FBN2: variants seen among roughly 807,000 people sequenced by gnomAD.
FBN2 encodes fibrillin-2.
A neutral mutation model predicts 355.6 loss-of-function variants in FBN2; 105 were observed. The ratio of observed to expected loss-of-function variants is 0.30; its 90% CI spans 0.25 to 0.35. The LOEUF is 0.35. Ranked by LOEUF, FBN2 falls within the 10% of genes least tolerant of loss-of-function variation. The probability of loss-of-function intolerance (pLI) is 1.00; values close to 1 mark genes in which losing one functional copy is unlikely to be tolerated. For synonymous variants in FBN2, 1,350 were observed against 1,301.2 expected, an observed-to-expected ratio of 1.04 and a Z score of -0.81; for missense variants, 3,280 against 3,758.7, an observed-to-expected ratio of 0.87 and a Z score of 3.33.
At position 128,408,513 on chromosome 5, in the gene FBN2, T is replaced by C. The variant is rs1174328698; in HGVS notation, c.1078+161A>G. ...CTGAAACTGAAGTCTTTGCAAAGAG[T>C]ACCTGGTCTATCAATCCCTCAATAC... On this transcript the variant is annotated intron_variant, in intron 8 of 64. Coordinates refer to ENST00000262464, the MANE Select transcript of FBN2 (RefSeq NM_001999.4). Among the ~76,000 whole-genome samples, 4 of 152,106 alleles carry C rather than the reference T, an allele frequency of 2.6e-5. No homozygotes were observed. In the East Asian group the frequency reaches 7.7e-4, roughly 29 times the overall value.
intron 5 of FBN2, among the ~76,000 whole-genome samples, chr5:128,500,281 A>C (rs868177749): frequency 3.3e-4 from 50 of 151,986 alleles, no homozygotes; most frequent in African/African-American, 1.0e-3. Flanking sequence ...GAAACTAACA[A>C]CACTTTTACT....
intron 20 of FBN2, among the ~76,000 whole-genome samples, chr5:128,356,408 A>G (rs1045296456): frequency 3.9e-5 from 6 of 152,268 alleles, no homozygotes; most frequent in African/African-American, 1.4e-4. Flanking sequence ...TCTTCGACAA[A>G]TATGAAACTA....
chr5:128,453,998 C>A (rs577448973), intron 6 of FBN2, among the ~76,000 whole-genome samples: 26 of 151,548 alleles, frequency 1.7e-4, no homozygotes, highest in Admixed American at 4.0e-4. Context: ...TTGCCCCCCC[C>A]CCAAGTTTCT....
intron 5 of FBN2, among the ~76,000 whole-genome samples, chr5:128,481,757 A>G (rs1333773184): frequency 1.3e-5 from 2 of 152,030 alleles, no homozygotes; most frequent in Non-Finnish European, 2.9e-5. Flanking sequence ...ACAAAAAAAT[A>G]CTAGAAAATT....
At chr5:128,271,773 TAGTTA>T (rs1765272977) in intron 62 of FBN2, among the ~76,000 whole-genome samples, 1 of 152,210 alleles carries the variant, frequency 6.6e-6, no homozygotes, top group South Asian at 2.1e-4. Flanking sequence ...AAGTAACCTC[TAGTTA>T]AGTTAACTTC....
Position 128,536,425 on chromosome 5 carries a change from G to C in FBN2, c.314C>G (p.Pro105Arg). 1 of 1,614,070 alleles carries C rather than the reference G, an allele frequency of 6.2e-7. No individual in the cohort carries two copies. The highest frequency in any genetic ancestry group is 2.2e-5 in the East Asian group (1 of 44,876). ...SYCCPGWKTL[P>R]GGNQCIVPIC... ...ACGGACAATGCACTGGTTTCCTCCA[G>C]GGAGCGTCTTCCATCCAGGGCAGCA... The change falls in exon 2 of 65, where the codon CCT becomes CGT. Residue 105 changes from proline (P) to arginine (R), a missense_variant. This residue lies in a region of FBN2 where 203 missense variants were observed against 142.2 expected (regional missense o/e 1.43). Coordinates refer to ENST00000262464, the MANE Select transcript of FBN2 (RefSeq NM_001999.4).
At position 128,311,519 on chromosome 5, in the gene FBN2, C is replaced by A. The variant is rs1010434465; in HGVS notation, c.4949-94G>T. On this transcript the variant is annotated intron_variant, in intron 38 of 64. Transcript: ENST00000262464. ...TTCAAAAGTGTGATCTTGTAAGAATCAGATTTCTATGCATCCAAATGAACG... is the reference window on the plus strand; with the variant it reads ...TTCAAAAGTGTGATCTTGTAAGAATAAGATTTCTATGCATCCAAATGAACG... The A allele has an allele frequency of 2.5e-5, 35 of 1,379,180 alleles. 1 individual carries two copies. The South Asian group carries it at 3.7e-4, about 15-fold the overall frequency. 85.4% of individuals were successfully genotyped at this position (1,379,180 alleles called of 1,614,324 possible).
chr5:128,307,536 A>C (rs1221036116), intron 41 of FBN2, among the ~76,000 whole-genome samples: 1 of 152,116 alleles, frequency 6.6e-6, no homozygotes, highest in Non-Finnish European at 1.5e-5. Flanking sequence ...AACATCCAAT[A>C]CATAAAGATT....
chr5:128,339,981 T>C (rs998909027), intron 25 of FBN2, among the ~76,000 whole-genome samples: 1 of 151,748 alleles, frequency 6.6e-6, no homozygotes, highest in African/African-American at 2.4e-5. Context: ...ACCTGAGGAC[T>C]GTGTGGGTGA....
rs1581251758 is a variant in FBN2, at chr5:128,378,808, A to C, written c.1686T>G (p.Ala562=). The stretch of plus-strand genomic sequence containing the variant: ...GCTTGGTAGGAGTCCTCTGGAATCC[A>C]GCATGACATTTACAATAATAGGAAC... The part of the protein sequence containing the change: ...TPGSYYCKCH[A]GFQRTPTKQA... The change falls in exon 12 of 65, where the codon GCT becomes GCG. Residue 562 remains alanine (A), a synonymous_variant. Coordinates refer to ENST00000262464, the MANE Select transcript of FBN2 (RefSeq NM_001999.4). The C allele has an allele frequency of 6.2e-7, 1 of 1,613,306 alleles. No homozygotes were observed. The highest frequency in any genetic ancestry group is 8.5e-7 in the Non-Finnish European group (1 of 1,179,430).
chr5:128,259,903 C>T, intron 64 of FBN2, 74 bp from the exon 65 acceptor site: 1 of 1,524,932 alleles, frequency 6.6e-7, no homozygotes, highest in Non-Finnish European at 9.0e-7. Context: ...AGATCAGCTG[C>T]AGGGGCTTTG....
chr5:128,336,138 G>T, intron 27 of FBN2, 25 bp from the exon 28 acceptor site: 1 of 1,610,116 alleles, frequency 6.2e-7, no homozygotes. Flanking sequence ...CAGAAGTAAT[G>T]CTTTACACAA....
intron 25 of FBN2, among the ~76,000 whole-genome samples, chr5:128,342,905 C>A (rs1403514389): frequency 2.0e-5 from 3 of 151,752 alleles, no homozygotes; most frequent in Admixed American, 6.6e-5. Flanking sequence ...ATTTTGTATT[C>A]TTAGTAGAGA....
chr5:128,320,484 A>G (rs2126875685), intron 34 of FBN2, among the ~76,000 whole-genome samples: 1 of 152,340 alleles, frequency 6.6e-6, no homozygotes, highest in Admixed American at 6.5e-5. Flanking sequence ...AAAGCACTGT[A>G]TTAATAGGTG....
At chr5:128,372,650 C>A (rs1751972656) in intron 15 of FBN2, among the ~76,000 whole-genome samples, 1 of 152,102 alleles carries the variant, frequency 6.6e-6, no homozygotes, top group African/African-American at 2.4e-5. Flanking sequence ...TGCCACCATG[C>A]CTGGCTAATT....
chr5:128,335,047 G>A, intron 30 of FBN2, 123 bp downstream of exon 30: 1 of 1,434,430 alleles, frequency 7.0e-7, no homozygotes, highest in Non-Finnish European at 9.7e-7. Flanking sequence ...TACAGTTCTA[G>A]TAAAATGATT....
chr5:128,351,024 G>T lies in FBN2; in HGVS notation c.2675-19C>A, dbSNP rs973175039. On this transcript the variant is annotated intron_variant, in intron 20 of 64. Transcript: ENST00000262464. ...AGGCTGTCTGAAAAGGAACAGGAAAGGTTGGGGAGCTCTTACCTCTGAAGA... is the reference window on the plus strand; with the variant it reads ...AGGCTGTCTGAAAAGGAACAGGAAATGTTGGGGAGCTCTTACCTCTGAAGA... 6.2e-6 allele frequency: 10 copies of T among 1,613,978 alleles called. No individual in the cohort carries two copies. The highest frequency in any genetic ancestry group is 3.3e-5 in the South Asian group (3 of 91,090).
chr5:128,318,013 A>G lies in FBN2; in HGVS notation c.4717+136T>C, dbSNP rs909298063. ...AGGTGGAGCAGATGATTTGGAAGAGAAACACAATAAAGGCGACCACATAAT... is the reference window on the plus strand; with the variant it reads ...AGGTGGAGCAGATGATTTGGAAGAGGAACACAATAAAGGCGACCACATAAT... On this transcript the variant is annotated intron_variant, in intron 36 of 64. Transcript: ENST00000262464. 1.2e-5 allele frequency: 11 copies of G among 900,434 alleles called. No homozygotes were observed. In the African/African-American group the frequency reaches 1.7e-4, roughly 14 times the overall value. 55.8% of individuals were successfully genotyped at this position (900,434 alleles called of 1,614,324 possible). A position where few individuals can be genotyped will look rare whatever the true frequency, so the allele number is the denominator to read the frequency against.
intron 5 of FBN2, among the ~76,000 whole-genome samples, chr5:128,467,968 G>A (rs772828766): frequency 2.6e-5 from 4 of 152,136 alleles, no homozygotes; most frequent in South Asian, 2.1e-4. Flanking sequence ...ATAGGAAGGT[G>A]TAATTTACGT....
Sources: allele counts gnomAD v4.1 joint callset (sites outside exome capture counted in the v4.1 genomes callset), GRCh38; gene constraint gnomAD v4.1.1; regional missense constraint gnomAD v4.1.1; transcripts MANE v1.5; gene names NCBI Gene and HGNC (gene_info 2026-07-23, HGNC 2026-07-21).